Variants in CERS6 observed in about 807,000 individuals in gnomAD.
The protein encoded by CERS6 is ceramide synthase 6, also known as LAG1 homolog, ceramide synthase 6.
A neutral mutation model predicts 56.8 loss-of-function variants in CERS6; 26 were observed. The observed-to-expected ratio is 0.46, with a 90% CI of 0.34 to 0.63. The LOEUF (loss-of-function observed/expected upper bound fraction) is 0.63. Ranked by LOEUF, CERS6 falls within the 30% of genes least tolerant of loss-of-function variation. CERS6 has a pLI of 0.01. For missense variants in CERS6, 415 were observed against 467.5 expected (o/e 0.89, Z 1.04); for synonymous variants, 164 against 173.3 (o/e 0.95, Z 0.42).
chr2:168,755,822 C>G (rs187883374), intron 8 of CERS6, among the ~76,000 whole-genome samples: 1 of 152,244 alleles, frequency 6.6e-6, no homozygotes, highest in East Asian at 1.9e-4. Flanking sequence ...ATCAGAATGA[C>G]CAAGATTTTC....
At chr2:168,616,658 T>A (rs13006277) in intron 3 of CERS6, among the ~76,000 whole-genome samples, 80,850 of 151,962 alleles carry the variant, frequency 0.53, 24,410 homozygotes, top group Middle Eastern at 0.72. Flanking sequence ...TATATAATGA[T>A]AAAAGGCCTT....
At chr2:168,688,399 A>G (rs1686410521) in intron 4 of CERS6, among the ~76,000 whole-genome samples, 1 of 146,708 alleles carries the variant, frequency 6.8e-6, no homozygotes, top group Middle Eastern at 3.2e-3. Context: ...CCTGGCGACA[A>G]AGTGAGACTC....
intron 4 of CERS6, among the ~76,000 whole-genome samples, chr2:168,676,083 C>T (rs1686052964): frequency 6.6e-6 from 1 of 152,154 alleles, no homozygotes; most frequent in African/African-American, 2.4e-5. Context: ...CCTATTTCTA[C>T]ATTCAGTCTG....
At chr2:168,539,677 G>T (rs953070158) in intron 1 of CERS6, among the ~76,000 whole-genome samples, 7 of 152,176 alleles carry the variant, frequency 4.6e-5, no homozygotes, top group Non-Finnish European at 1.0e-4. Context: ...TATTGTTCTG[G>T]TCAGTTTTAA....
chr2:168,661,649 C>T (rs1685631261), intron 4 of CERS6, among the ~76,000 whole-genome samples: 1 of 152,166 alleles, frequency 6.6e-6, no homozygotes, highest in Non-Finnish European at 1.5e-5. Context: ...TTTTGTCTTT[C>T]TCTCATGCAT....
intron 3 of CERS6, among the ~76,000 whole-genome samples, chr2:168,562,878 T>A (rs979950330): frequency 4.6e-5 from 7 of 152,192 alleles, no homozygotes; most frequent in African/African-American, 1.7e-4. Flanking sequence ...AAGCCACAGT[T>A]GCTTCCCAGC....
intron 4 of CERS6, among the ~76,000 whole-genome samples, chr2:168,634,175 T>C (rs1222930452): frequency 6.6e-6 from 1 of 152,230 alleles, no homozygotes; most frequent in Non-Finnish European, 1.5e-5. Context: ...TGGTAGGAAA[T>C]ATTTAAGCAG....
chr2:168,460,203 CT>C (rs986938528), intron 1 of CERS6, among the ~76,000 whole-genome samples: 1 of 145,742 alleles, frequency 6.9e-6, no homozygotes. Context: ...TTTTTCTTTT[CT>C]TTTTTTTTGA....
intron 1 of CERS6, among the ~76,000 whole-genome samples, chr2:168,493,090 C>G (rs1487117228): frequency 6.6e-6 from 1 of 152,076 alleles, no homozygotes; most frequent in Non-Finnish European, 1.5e-5. Context: ...AAATTTTTCT[C>G]CATTTGTTAC....
At chr2:168,647,644 G>GAT (rs1382668447) in intron 4 of CERS6, among the ~76,000 whole-genome samples, 1 of 152,090 alleles carries the variant, frequency 6.6e-6, no homozygotes, top group African/African-American at 2.4e-5. Context: ...TGTTGGCTGT[G>GAT]GGTTTGTCAT....
At chr2:168,478,237 A>G (rs1694115296) in intron 1 of CERS6, among the ~76,000 whole-genome samples, 1 of 152,046 alleles carries the variant, frequency 6.6e-6, no homozygotes, top group Non-Finnish European at 1.5e-5. Flanking sequence ...GAGCAGTGAG[A>G]TGAAGATTTA....
At chr2:168,490,163 A>G (rs772409265) in intron 1 of CERS6, among the ~76,000 whole-genome samples, 1 of 152,100 alleles carries the variant, frequency 6.6e-6, no homozygotes, top group Admixed American at 6.6e-5. Flanking sequence ...AGCTGTTGCT[A>G]TACTGTTCTA....
chr2:168,631,057 A>G lies in CERS6; in HGVS notation c.465+15A>G, dbSNP rs377130686. 1.8e-5 allele frequency: 25 copies of G among 1,355,162 alleles called. No individual in the cohort carries two copies. The African/African-American group carries it at 2.8e-4, about 15-fold the overall frequency. The allele number at this position is 1,355,162 out of a possible 1,614,324, so 83.9% of individuals were successfully genotyped here. A position where few individuals can be genotyped will look rare whatever the true frequency, so the allele number is the denominator to read the frequency against. On this transcript the variant is annotated intron_variant, in intron 4 of 9. Coordinates refer to ENST00000305747, the MANE Select transcript of CERS6 (RefSeq NM_203463.3). ...TCCTGAAAAAGGTAGGATCTCTCAA[A>G]CTATTTTACATGATTCTTATGTAAG...
intron 1 of CERS6, among the ~76,000 whole-genome samples, chr2:168,484,167 G>GTTTTTTTTGTT (rs1694230265): frequency 1.9e-5 from 1 of 51,610 alleles, no homozygotes; most frequent in Non-Finnish European, 3.7e-5. Flanking sequence ...TCTTTTTTCT[G>GTTTTTTTTGTT]TTTTTTTTTT....
chr2:168,705,949 A>G (rs1371974108), intron 6 of CERS6, among the ~76,000 whole-genome samples: 2 of 152,216 alleles, frequency 1.3e-5, no homozygotes, highest in Non-Finnish European at 2.9e-5. Flanking sequence ...CCCCATTAAA[A>G]GCTGTGCAAA....
chr2:168,695,113 G>A, intron 6 of CERS6, 62 bp downstream of exon 6: 2 of 1,332,340 alleles, frequency 1.5e-6, no homozygotes, highest in South Asian at 1.2e-5. Context: ...CTTAGCAGGT[G>A]GGTTTAGACT....
chr2:168,626,417 A>T (rs1353511311), intron 3 of CERS6, among the ~76,000 whole-genome samples: 1 of 152,122 alleles, frequency 6.6e-6, no homozygotes, highest in Admixed American at 6.5e-5. Context: ...ACCTGGCAAC[A>T]AGACCTGAGA....
intron 4 of CERS6, among the ~76,000 whole-genome samples, chr2:168,645,746 A>G (rs554932257): frequency 1.3e-5 from 2 of 152,092 alleles, no homozygotes; most frequent in African/African-American, 4.8e-5. Context: ...TGTGTTCATA[A>G]GTTGTCATCA....
intron 6 of CERS6, among the ~76,000 whole-genome samples, chr2:168,713,183 A>G (rs1052723373): frequency 9.9e-5 from 15 of 152,196 alleles, no homozygotes; most frequent in Admixed American, 9.8e-4. Flanking sequence ...CCATATGAAT[A>G]TTGACTTTTC....
Sources: allele counts gnomAD v4.1 joint callset (sites outside exome capture counted in the v4.1 genomes callset), GRCh38; gene constraint gnomAD v4.1.1; transcripts MANE v1.5; gene names NCBI Gene and HGNC (gene_info 2026-07-23, HGNC 2026-07-21).